KCNN3: variants seen among roughly 807,000 people sequenced by gnomAD.
KCNN3 encodes potassium calcium-activated channel subfamily N member 3.
Under a neutral mutation model 62.9 loss-of-function variants are expected in KCNN3, and 16 were observed. The ratio of observed to expected loss-of-function variants is 0.25; its 90% CI spans 0.17 to 0.39. KCNN3 has a LOEUF of 0.39. Among genes scored for constraint, KCNN3 ranks in the 10% least tolerant of loss-of-function variants. KCNN3 has a pLI of 1.00. For missense variants in KCNN3, 599 were observed against 949.4 expected (o/e 0.63, Z 4.85); for synonymous variants, 370 against 389.2 (o/e 0.95, Z 0.58).
At chr1:154,786,667 G>A (rs79120771) in intron 2 of KCNN3, among the ~76,000 whole-genome samples, 2,006 of 152,302 alleles carry the variant, frequency 0.013, 13 homozygotes, top group Non-Finnish European at 0.018. Flanking sequence ...CACAAAAGGT[G>A]CATTAATCAC....
intron 1 of KCNN3, 146 bp downstream of exon 1, chr1:154,868,886 C>T: frequency 1.1e-6 from 1 of 913,864 alleles, no homozygotes; most frequent in Non-Finnish European, 1.8e-6. Context: ...CCCAGTCTCC[C>T]TCCCAATCTC....
chr1:154,769,083 C>T (rs888353598), intron 3 of KCNN3, among the ~76,000 whole-genome samples: 1 of 151,914 alleles, frequency 6.6e-6, no homozygotes, highest in Admixed American at 6.6e-5. Flanking sequence ...TCAGTTTCCT[C>T]AACTCTCCCA....
chr1:154,868,679 A>C (rs1653045208), intron 1 of KCNN3, among the ~76,000 whole-genome samples: 1 of 152,060 alleles, frequency 6.6e-6, no homozygotes, highest in African/African-American at 2.4e-5. Context: ...CAGGAGGAAA[A>C]GCGATTTCTC....
chr1:154,793,260 C>T (rs2101865157), intron 2 of KCNN3, among the ~76,000 whole-genome samples: 1 of 152,298 alleles, frequency 6.6e-6, no homozygotes, highest in African/African-American at 2.4e-5. Flanking sequence ...TTCTCTCTGC[C>T]CACAGCAAAG....
At chr1:154,709,113 C>A (rs1700023353) in intron 7 of KCNN3, among the ~76,000 whole-genome samples, 1 of 152,184 alleles carries the variant, frequency 6.6e-6, no homozygotes, top group Non-Finnish European at 1.5e-5. Flanking sequence ...CACTGACTCC[C>A]CGTGTTCCAG....
chr1:154,733,969 G>C (rs759506111), intron 3 of KCNN3, among the ~76,000 whole-genome samples: 4 of 152,214 alleles, frequency 2.6e-5, no homozygotes, highest in Non-Finnish European at 5.9e-5. Flanking sequence ...CTGCAGAGGG[G>C]TGCAATCAGG....
In KCNN3 at chr1:154,869,242, G is replaced by T. The variant is rs926645633; in HGVS notation, c.723C>A (p.His241Gln). The change falls in exon 1 of 8, where the codon CAC (histidine) becomes CAA (glutamine). Residue 241 changes from histidine (H) to glutamine (Q), a missense_variant. By Grantham distance (24) the His-to-Gln change is conservative. Around this residue, in one of 7 missense-constraint regions of KCNN3, gnomAD observed 80 missense variants for 85.4 expected, o/e 0.94. Coordinates refer to ENST00000271915, the MANE Select transcript of KCNN3 (RefSeq NM_002249.6). The surrounding 1 kb of genome is among the most constrained non-coding windows in gnomAD (Gnocchi z 6.1). ...CGGTGGTGCCGGCATGCTGGTGGTT[G>T]TGGGTGGCATTAGGGTGATGGAGCA... ...QTLLHHPNATHNHQHAGTTAS... is the reference protein window; with the variant it reads ...QTLLHHPNATQNHQHAGTTAS... 3.1e-6 allele frequency: 5 copies of T among 1,613,526 alleles called. No homozygotes were observed. Among genetic ancestry groups the T allele is most frequent in the Non-Finnish European group, 4.2e-6 (5 of 1,179,826 alleles).
chr1:154,738,359 A>G (rs1315961329), intron 3 of KCNN3, among the ~76,000 whole-genome samples: 2 of 152,214 alleles, frequency 1.3e-5, no homozygotes, highest in Admixed American at 6.5e-5. Context: ...ATTATTTCCA[A>G]ATCAGAATTC....
chr1:154,785,129 A>C (rs1167544984), intron 2 of KCNN3, among the ~76,000 whole-genome samples: 1 of 152,144 alleles, frequency 6.6e-6, no homozygotes, highest in Non-Finnish European at 1.5e-5. Flanking sequence ...CTCAACAGGA[A>C]GTTTCTGATA....
rs78289243 is a variant in KCNN3 at position 154,868,242 on chromosome 1, G to A, written c.933+790C>T. The A allele has an allele frequency of 3.0e-5, 30 of 985,576 alleles. 1 individual carries two copies. The East Asian group carries it at 3.3e-3, about 108-fold the overall frequency. The allele number at this position is 985,576 out of a possible 1,614,324, so 61.1% of individuals were successfully genotyped here. A position where few individuals can be genotyped will look rare whatever the true frequency, so the allele number is the denominator to read the frequency against. On this transcript the variant is annotated intron_variant, in intron 1 of 7. Transcript: ENST00000271915. ...GCTGATTCCAAGGCGGCGCCCAGCT[G>A]CTCTGCCCAGGTAACACCTGTAGCC...
chr1:154,743,039 C>T lies in KCNN3; in HGVS notation c.1449-9895G>A, dbSNP rs562804777. ...CCCTTATCTCCATCAAATTCTGTCACCTCTGCTTTCAAAATATCTCCAGAA... is the reference window on the plus strand; with the variant it reads ...CCCTTATCTCCATCAAATTCTGTCATCTCTGCTTTCAAAATATCTCCAGAA... On this transcript the variant is annotated intron_variant, in intron 3 of 7. Coordinates refer to ENST00000271915, the MANE Select transcript of KCNN3 (RefSeq NM_002249.6). Among the ~76,000 whole-genome samples the T allele has an allele frequency of 5.9e-5, 9 of 152,318 alleles. No homozygotes were observed. In the South Asian group the frequency reaches 1.9e-3, roughly 32 times the overall value.
intron 1 of KCNN3, among the ~76,000 whole-genome samples, chr1:154,849,410 G>A (rs1194729914): frequency 2.0e-5 from 3 of 152,198 alleles, no homozygotes; most frequent in East Asian, 1.9e-4. Context: ...ACTAGAAAGC[G>A]GATTGGCCTG....
In KCNN3 at chr1:154,704,511, T is replaced by G. The variant is rs1699927246; in HGVS notation, c.*3465A>C. The G allele has an allele frequency of 6.6e-6, 1 of 152,158 alleles. No individual in the cohort carries two copies. The highest frequency in any genetic ancestry group is 1.5e-5 in the Non-Finnish European group (1 of 68,030). 9.4% of individuals were successfully genotyped at this position (152,158 alleles called of 1,614,324 possible). ...GAAATTCCACTGAGATTAGTGGTCTTAAAGTATCACAGTACATCCCTGACT... is the reference window on the plus strand; with the variant it reads ...GAAATTCCACTGAGATTAGTGGTCTGAAAGTATCACAGTACATCCCTGACT... On this transcript the variant is annotated 3_prime_UTR_variant, in exon 8 of 8. Coordinates refer to ENST00000271915, the MANE Select transcript of KCNN3 (RefSeq NM_002249.6).
chr1:154,739,727 T>C (rs1272538751), intron 3 of KCNN3, among the ~76,000 whole-genome samples: 22 of 152,360 alleles, frequency 1.4e-4, no homozygotes, highest in Non-Finnish European at 1.2e-4. Context: ...ATGGCTTCTG[T>C]CTTGGGTGAT....
At chr1:154,864,603 G>A (rs538070403) in intron 1 of KCNN3, among the ~76,000 whole-genome samples, 43 of 152,242 alleles carry the variant, frequency 2.8e-4, no homozygotes, top group Non-Finnish European at 5.3e-4. Context: ...ACGGAGAAGC[G>A]GCCTCCCATG....
intron 5 of KCNN3, among the ~76,000 whole-genome samples, chr1:154,720,518 T>C (rs1700323828): frequency 6.6e-6 from 1 of 152,260 alleles, no homozygotes; most frequent in Non-Finnish European, 1.5e-5. Flanking sequence ...ATGACTACCA[T>C]TGTTTTTCCT....
intron 1 of KCNN3, among the ~76,000 whole-genome samples, chr1:154,859,529 T>A (rs182079754): frequency 4.8e-4 from 73 of 152,292 alleles, no homozygotes; most frequent in African/African-American, 1.7e-3. Context: ...AAACCAACGG[T>A]GGCAGATGGA....
intron 2 of KCNN3, among the ~76,000 whole-genome samples, chr1:154,821,732 A>G (rs141664877): frequency 1.3e-5 from 2 of 152,366 alleles, no homozygotes; most frequent in East Asian, 3.9e-4. Flanking sequence ...GCCCAAGTTC[A>G]GAAAGGACAA....
intron 3 of KCNN3, among the ~76,000 whole-genome samples, chr1:154,735,994 A>G (rs1389508917): frequency 6.6e-6 from 1 of 152,196 alleles, no homozygotes; most frequent in Admixed American, 6.5e-5. Context: ...TCCGAAAAAC[A>G]TTTCCTGGAA....
Sources: gnomAD v4.1 joint callset for allele counts (sites outside exome capture counted in the v4.1 genomes callset) on GRCh38, gnomAD v4.1.1 for gene constraint, gnomAD v4.1.1 regional missense constraint, Gnocchi (gnomAD v3.1) non-coding constraint, MANE v1.5 for transcripts, NCBI Gene and HGNC (gene_info 2026-07-23, HGNC 2026-07-21) for gene names.